SFSWAP: variants seen among roughly 807,000 people sequenced by gnomAD.
SFSWAP encodes the protein splicing factor, suppressor of white-apricot homolog.
A neutral mutation model predicts 100.7 loss-of-function variants in SFSWAP; 17 were observed. The observed-to-expected ratio is 0.17, with a 90% CI of 0.12 to 0.25. The LOEUF (loss-of-function observed/expected upper bound fraction) is 0.25. Among genes scored for constraint, SFSWAP ranks in the 10% least tolerant of loss-of-function variants. The pLI is 1.00. For missense variants in SFSWAP, 1,005 were observed against 1,262.6 expected, an observed-to-expected ratio of 0.80 and a Z score of 3.09; for synonymous variants, 504 against 510.1, an observed-to-expected ratio of 0.99 and a Z score of 0.16.
intron 6 of SFSWAP, 129 bp from the exon 7 acceptor site, chr12:131,728,164 T>C: frequency 2.0e-6 from 2 of 1,000,976 alleles, no homozygotes; most frequent in Admixed American, 2.0e-5. Flanking sequence ...AGGACCTCCA[T>C]GGGTGCGTGC....
chr12:131,732,777 G>A (rs538329557), intron 7 of SFSWAP, among the ~76,000 whole-genome samples: 1 of 152,312 alleles, frequency 6.6e-6, no homozygotes, highest in Non-Finnish European at 1.5e-5. Flanking sequence ...AACCGTCAGA[G>A]GCATTGAAGT....
chr12:131,792,970 A>C (rs1885378858), intron 15 of SFSWAP, among the ~76,000 whole-genome samples: 1 of 152,330 alleles, frequency 6.6e-6, no homozygotes. Context: ...TGGTGTCAGC[A>C]TGAGGATACA....
chr12:131,721,179 T>C (rs1436930934), intron 4 of SFSWAP, among the ~76,000 whole-genome samples: 1 of 152,186 alleles, frequency 6.6e-6, no homozygotes, highest in Non-Finnish European at 1.5e-5. Context: ...AAACTATTCA[T>C]GAAGGATCCA....
Position 131,714,997 on chromosome 12 carries a change from G to A in SFSWAP, c.520+44G>A, listed in dbSNP as rs1305038415. ...GGACTGCTGGTGTAGGGCTACACGT[G>A]TACGCACAGGCTGCATGCACCGTGG... On this transcript the variant is annotated intron_variant, in intron 3 of 17. Transcript: ENST00000261674. This position sits in a 1 kb window ranked among gnomAD's most constrained non-coding sequence, Gnocchi z 6.0. 2 of 1,607,596 alleles carry A rather than the reference G, an allele frequency of 1.2e-6. No individual in the cohort carries two copies. Among genetic ancestry groups the A allele is most frequent in the Non-Finnish European group, 1.7e-6 (2 of 1,175,690 alleles).
chr12:131,797,073 C>T, intron 15 of SFSWAP, 105 bp from the exon 16 acceptor site: 1 of 960,834 alleles, frequency 1.0e-6, no homozygotes, highest in South Asian at 1.5e-5. Context: ...CTGAATTGTG[C>T]CTTGATGAAC....
chr12:131,719,782 G>A (rs1248778751), intron 4 of SFSWAP, among the ~76,000 whole-genome samples: 4 of 152,122 alleles, frequency 2.6e-5, no homozygotes, highest in Non-Finnish European at 4.4e-5. Flanking sequence ...GTGATTCAGC[G>A]GCCATGTAGT....
chr12:131,726,661 T>C (rs1879007998), intron 5 of SFSWAP, among the ~76,000 whole-genome samples: 1 of 152,192 alleles, frequency 6.6e-6, no homozygotes, highest in African/African-American at 2.4e-5. Context: ...TTGCCCTTTT[T>C]TAAAAAAAGG....
At chr12:131,777,684 G>C (rs1164285993) in intron 13 of SFSWAP, among the ~76,000 whole-genome samples, 1 of 152,162 alleles carries the variant, frequency 6.6e-6, no homozygotes, top group African/African-American at 2.4e-5. Context: ...GGGTCAAATG[G>C]TATTTCTGGT....
chr12:131,756,531 C>T lies in SFSWAP; in HGVS notation c.1607C>T (p.Ala536Val). ...TCTGCTCCCGAGAAGCCAAGTGATG[C>T]TGGGGAGGATGGCGCGCCTGAAGAC... is the stretch of plus-strand genomic sequence containing the variant. ...TDSAPEKPSD[A>V]GEDGAPEDAA... Residue 536 changes from alanine to valine, a missense_variant, in exon 11 of 18, where the codon GCT (alanine) becomes GTT (valine). Ala to Val is a moderately conservative substitution (Grantham distance 64). This residue lies in a region of SFSWAP where 311 missense variants were observed against 317.8 expected (regional missense o/e 0.98). Coordinates refer to ENST00000261674, the MANE Select transcript of SFSWAP (RefSeq NM_004592.4). The T allele has an allele frequency of 6.2e-7, 1 of 1,614,042 alleles. No homozygotes were observed. The highest frequency in any genetic ancestry group is 8.5e-7 in the Non-Finnish European group (1 of 1,179,988).
chr12:131,799,208 C>T lies in SFSWAP; in HGVS notation c.2790+99C>T, dbSNP rs368631896. ...CATTCCCTGTCCCTCCTGTCCCTGTCATGGGACAGGGATCTCGGGCAAAAT... is the reference window on the plus strand; with the variant it reads ...CATTCCCTGTCCCTCCTGTCCCTGTTATGGGACAGGGATCTCGGGCAAAAT... On this transcript the variant is annotated intron_variant, in intron 17 of 17. Coordinates refer to ENST00000261674, the MANE Select transcript of SFSWAP (RefSeq NM_004592.4). 6 of 1,119,018 alleles carry T rather than the reference C, an allele frequency of 5.4e-6. No individual in the cohort carries two copies. The African/African-American group carries it at 6.2e-5, about 11-fold the overall frequency. The allele number at this position is 1,119,018 out of a possible 1,614,324, so 69.3% of individuals were successfully genotyped here. A position where few individuals can be genotyped will look rare whatever the true frequency, so the allele number is the denominator to read the frequency against.
chr12:131,745,753 G>T (rs569733446), intron 7 of SFSWAP, among the ~76,000 whole-genome samples: 102 of 148,502 alleles, frequency 6.9e-4, no homozygotes, highest in Middle Eastern at 3.5e-3. Context: ...TTTTAGTAAG[G>T]CTTTTTTTTT....
chr12:131,785,367 G>C (rs1468749504), intron 14 of SFSWAP: 1 of 679,244 alleles, frequency 1.5e-6, no homozygotes, highest in African/African-American at 1.8e-5. Context: ...ATCCCGAGCT[G>C]ATCTGCAGAA....
At chr12:131,754,586 AT>A (rs770855523) in intron 9 of SFSWAP, 87 bp downstream of exon 9, 5 of 754,294 alleles carry the variant, frequency 6.6e-6, no homozygotes, top group East Asian at 4.7e-5. Context: ...TACAGAATTA[AT>A]TTTTTTATAT....
At chr12:131,727,167 T>G (rs1879054744) in intron 6 of SFSWAP, 115 bp downstream of exon 6, 1 of 686,216 alleles carries the variant, frequency 1.5e-6, no homozygotes, top group East Asian at 2.8e-5. Context: ...TCTTATTTTA[T>G]CATCATTGAG....
intron 8 of SFSWAP, 60 bp downstream of exon 8, chr12:131,753,423 G>A (rs919404978): frequency 1.5e-5 from 23 of 1,543,424 alleles, no homozygotes; most frequent in African/African-American, 1.4e-4. Context: ...AGTCACTGGG[G>A]CCGTCTGTGT....
At chr12:131,732,468 A>C (rs1352959958) in intron 7 of SFSWAP, among the ~76,000 whole-genome samples, 1 of 152,136 alleles carries the variant, frequency 6.6e-6, no homozygotes, top group East Asian at 1.9e-4. Flanking sequence ...TTGGTGGGCT[A>C]TTTTGAAATT....
In SFSWAP at chr12:131,719,641, A is replaced by G. The variant is rs1023710317; in HGVS notation, c.606+102A>G. Reference sequence around the variant, plus strand: ...TAATGATTATAGCTGCTTTTTAGGCATATAATGCTTTAAAATGGTTTGTGA... The same window carrying G: ...TAATGATTATAGCTGCTTTTTAGGCGTATAATGCTTTAAAATGGTTTGTGA... On this transcript the variant is annotated intron_variant, in intron 4 of 17. Coordinates refer to ENST00000261674, the MANE Select transcript of SFSWAP (RefSeq NM_004592.4). 6.7e-6 allele frequency: 6 copies of G among 890,300 alleles called. No homozygotes were observed. The African/African-American group carries it at 8.4e-5, about 12-fold the overall frequency. The allele number at this position is 890,300 out of a possible 1,614,324, so 55.2% of individuals were successfully genotyped here.
rs537136358 is a variant in SFSWAP at position 131,728,290 on chromosome 12, C to T, written c.946-3C>T. Reference sequence around the variant, plus strand: ...GCTAAGGCTGTGTCTTCTCTGTTTCCAGCCCTTGAAGGTAGTGGACCCAGA... The same window carrying T: ...GCTAAGGCTGTGTCTTCTCTGTTTCTAGCCCTTGAAGGTAGTGGACCCAGA... On this transcript the variant is annotated splice_region_variant and splice_polypyrimidine_tract_variant and intron_variant, in intron 6 of 17. Transcript: ENST00000261674. 13 of 1,614,166 alleles carry T rather than the reference C, an allele frequency of 8.1e-6. No homozygotes were observed. In the East Asian group the frequency reaches 2.2e-4, roughly 28 times the overall value.
In SFSWAP at chr12:131,728,414, A is replaced by C; in HGVS notation, c.1067A>C (p.Glu356Ala). Residue 356 changes from glutamate to alanine, a missense_variant, in exon 7 of 18, where the codon GAG becomes GCG. Around this residue, in one of 7 missense-constraint regions of SFSWAP, gnomAD observed 311 missense variants for 317.8 expected, o/e 0.98. Transcript: ENST00000261674. The stretch of plus-strand genomic sequence containing the variant: ...GCGCCTGTGCAGCCCTCCCAGGTGG[A>C]GTACACGGCAGACTGTGAGTACTCA... ...DGAPVQPSQVEYTADSTVAAM... is the reference protein window; with the variant it reads ...DGAPVQPSQVAYTADSTVAAM... 6.2e-7 allele frequency: 1 copy of C among 1,614,184 alleles called. No individual in the cohort carries two copies. Among genetic ancestry groups the C allele is most frequent in the South Asian group, 1.1e-5 (1 of 91,080 alleles).
Sources: gnomAD v4.1 joint callset for allele counts (sites outside exome capture counted in the v4.1 genomes callset) on GRCh38, gnomAD v4.1.1 for gene constraint, gnomAD v4.1.1 regional missense constraint, Gnocchi (gnomAD v3.1) non-coding constraint, MANE v1.5 for transcripts, NCBI Gene and HGNC (gene_info 2026-07-23, HGNC 2026-07-21) for gene names.